Variants in ARHGEF7 observed in about 807,000 individuals in gnomAD.
ARHGEF7 encodes PAK-interacting exchange factor beta.
ARHGEF7 carries 33 observed loss-of-function variants against 109.8 expected under a neutral mutation model. The observed-to-expected ratio is 0.30, with a 90% CI of 0.23 to 0.40. ARHGEF7 has a LOEUF of 0.40. Ranked by LOEUF, ARHGEF7 falls within the 10% of genes least tolerant of loss-of-function variation. The pLI is 1.00. For missense variants in ARHGEF7, 938 were observed against 1,098.5 expected, an observed-to-expected ratio of 0.85 and a Z score of 2.07; for synonymous variants, 458 against 424.6, an observed-to-expected ratio of 1.08 and a Z score of -0.97.
At chr13:111,231,951 A>C (rs2086113672) in intron 5 of ARHGEF7, among the ~76,000 whole-genome samples, 1 of 152,154 alleles carries the variant, frequency 6.6e-6, no homozygotes, top group Non-Finnish European at 1.5e-5. Flanking sequence ...CTTTGTCCCC[A>C]CTAGCCCCAA....
At chr13:111,148,837 G>A (rs1172858434) in intron 1 of ARHGEF7, among the ~76,000 whole-genome samples, 1 of 152,194 alleles carries the variant, frequency 6.6e-6, no homozygotes, top group Non-Finnish European at 1.5e-5. Flanking sequence ...TAATCAAGAT[G>A]TTAATAAATG....
intron 2 of ARHGEF7, among the ~76,000 whole-genome samples, chr13:111,178,638 C>T (rs534359923): frequency 6.6e-6 from 1 of 152,326 alleles, no homozygotes; most frequent in African/African-American, 2.4e-5. Context: ...CGCTGTCCAG[C>T]TGGGCATGGT....
chr13:111,117,187 T>C (rs777489263), intron 1 of ARHGEF7, among the ~76,000 whole-genome samples: 7 of 152,246 alleles, frequency 4.6e-5, no homozygotes, highest in Non-Finnish European at 8.8e-5. Flanking sequence ...ATATGCTGTA[T>C]TGATAAAAAC....
At chr13:111,223,813 C>G (rs1396012270) in intron 5 of ARHGEF7, among the ~76,000 whole-genome samples, 1 of 150,710 alleles carries the variant, frequency 6.6e-6, no homozygotes, top group East Asian at 1.9e-4. Flanking sequence ...CATTTATTTT[C>G]TGTGCACCTT....
intron 8 of ARHGEF7, among the ~76,000 whole-genome samples, chr13:111,264,451 C>T (rs76217706): frequency 0.021 from 3,264 of 152,254 alleles, 121 homozygotes; most frequent in African/African-American, 0.075. Flanking sequence ...GGGACAGCCT[C>T]CCATCTGCGC....
chr13:111,213,646 C>A (rs2082763993), intron 4 of ARHGEF7, among the ~76,000 whole-genome samples: 1 of 152,128 alleles, frequency 6.6e-6, no homozygotes, highest in African/African-American at 2.4e-5. Flanking sequence ...TTTTTCTCAA[C>A]TGAATGATTT....
intron 18 of ARHGEF7, among the ~76,000 whole-genome samples, chr13:111,290,393 A>C (rs921132701): frequency 6.6e-6 from 1 of 152,260 alleles, no homozygotes; most frequent in Admixed American, 6.5e-5. Flanking sequence ...ATTAGGTACT[A>C]TAATTTAGAA....
At chr13:111,259,131 T>G (rs777547322) in intron 8 of ARHGEF7, among the ~76,000 whole-genome samples, 101 of 152,212 alleles carry the variant, frequency 6.6e-4, no homozygotes, top group Non-Finnish European at 1.0e-3. Context: ...ATGGCATCTC[T>G]AGACCTGCCC....
chr13:111,258,931 A>G lies in ARHGEF7; in HGVS notation c.951-8617A>G, dbSNP rs1241247172. Among the ~76,000 whole-genome samples the G allele has an allele frequency of 2.0e-5, 3 of 152,046 alleles. No homozygotes were observed. The highest frequency in any genetic ancestry group is 7.2e-5 in the African/African-American group (3 of 41,390). On this transcript the variant is annotated intron_variant, in intron 8 of 21. Coordinates refer to ENST00000646102, the MANE Select transcript of ARHGEF7 (RefSeq NM_001354046.2). This position sits in a 1 kb window ranked among gnomAD's most constrained non-coding sequence, Gnocchi z 4.4. ...CTTGGGCCTTGAAGGAACATTAGCA[A>G]TAAACAGGCAGTACTTGCTGCAGGC...
rs1184588017 is a variant in ARHGEF7, at chr13:111,243,943, A to G, written c.831A>G (p.Leu277=). 7 of 1,613,210 alleles carry G rather than the reference A, an allele frequency of 4.3e-6. No homozygotes were observed. Among genetic ancestry groups the G allele is most frequent in the Non-Finnish European group, 5.9e-6 (7 of 1,179,360 alleles). The change falls in exon 7 of 22, where the codon CTA becomes CTG. Residue 277 remains leucine, a synonymous_variant. Transcript: ENST00000646102. ...KELQTVLSTY[L]RPLQTSEKLS... is the part of the protein sequence containing the mutation. ...TTCAGACTGTGCTTTCAACGTACCT[A>G]CGGCCATTGCAGACCAGTGAGAAGT...
At chr13:111,180,231 C>T (rs935557756) in intron 2 of ARHGEF7, among the ~76,000 whole-genome samples, 1 of 152,158 alleles carries the variant, frequency 6.6e-6, no homozygotes, top group Non-Finnish European at 1.5e-5. Context: ...TCCAAAGATT[C>T]TATAACATTT....
chr13:111,291,027 C>T (rs147331871), intron 18 of ARHGEF7, among the ~76,000 whole-genome samples: 91 of 152,368 alleles, frequency 6.0e-4, no homozygotes, highest in African/African-American at 2.0e-3. Flanking sequence ...ATTTTGTAAA[C>T]CAAACTTCCT....
intron 4 of ARHGEF7, among the ~76,000 whole-genome samples, chr13:111,217,203 C>T (rs1270647274): frequency 6.6e-6 from 1 of 152,136 alleles, no homozygotes; most frequent in Non-Finnish European, 1.5e-5. Context: ...TTTAATGCAG[C>T]CTTGTCTACA....
At chr13:111,201,300 G>C (rs113657756) in intron 2 of ARHGEF7, among the ~76,000 whole-genome samples, 23 of 152,314 alleles carry the variant, frequency 1.5e-4, no homozygotes, top group African/African-American at 4.6e-4. Flanking sequence ...TATATGGCCT[G>C]TGTATTTCAC....
At chr13:111,137,004 A>G (rs942321015) in intron 1 of ARHGEF7, among the ~76,000 whole-genome samples, 5 of 152,206 alleles carry the variant, frequency 3.3e-5, no homozygotes, top group Non-Finnish European at 7.3e-5. Context: ...GAAGAAATGG[A>G]TAAATTCCTC....
intron 1 of ARHGEF7, among the ~76,000 whole-genome samples, chr13:111,150,621 C>G (rs1414974349): frequency 6.6e-6 from 1 of 152,150 alleles, no homozygotes; most frequent in Non-Finnish European, 1.5e-5. Context: ...TGATGCTGTC[C>G]CACGCTGTGC....
intron 2 of ARHGEF7, chr13:111,159,068 C>T: frequency 1.4e-6 from 1 of 718,478 alleles, no homozygotes; most frequent in South Asian, 1.5e-5. Flanking sequence ...ATCTGGTAAC[C>T]ACCATTCTCT....
chr13:111,257,506 A>G (rs1005223112), intron 8 of ARHGEF7, among the ~76,000 whole-genome samples: 2 of 152,272 alleles, frequency 1.3e-5, no homozygotes, highest in African/African-American at 4.8e-5. Context: ...GCCTAAGATA[A>G]TAGGGAGGAG....
chr13:111,153,612 C>G (rs984307584), intron 1 of ARHGEF7: 16 of 1,167,500 alleles, frequency 1.4e-5, no homozygotes, highest in Non-Finnish European at 1.7e-5. Flanking sequence ...GAAGACGTCC[C>G]GCGCGGGCCG....
Sources: allele counts gnomAD v4.1 joint callset (sites outside exome capture counted in the v4.1 genomes callset), GRCh38; gene constraint gnomAD v4.1.1; non-coding constraint Gnocchi (gnomAD v3.1); transcripts MANE v1.5; gene names NCBI Gene and HGNC (gene_info 2026-07-23, HGNC 2026-07-21).